ZFPM1: variants seen among roughly 807,000 people sequenced by gnomAD.
The protein encoded by ZFPM1 is zinc finger protein ZFPM1.
ZFPM1 carries 28 observed loss-of-function variants against 46.3 expected under a neutral mutation model. The observed-to-expected ratio is 0.60, with a 90% CI of 0.45 to 0.83. The LOEUF (loss-of-function observed/expected upper bound fraction) is 0.83, where lower values mean the gene tolerates loss of function less well. Ranked by LOEUF, ZFPM1 falls within the 40% of genes least tolerant of loss-of-function variation. The probability of loss-of-function intolerance (pLI) is 0.00; values close to 1 mark genes in which losing one functional copy is unlikely to be tolerated. For missense variants in ZFPM1, 1,878 were observed against 1,432.4 expected, an observed-to-expected ratio of 1.31 and a Z score of -5.02; for synonymous variants, 957 against 675.9, an observed-to-expected ratio of 1.42 and a Z score of -6.45.
At chr16:88,489,367 G>A (rs1324548579) in intron 3 of ZFPM1, 2 of 726,640 alleles carry the variant, frequency 2.8e-6, no homozygotes, top group African/African-American at 3.6e-5. Flanking sequence ...GCCTCACGTG[G>A]TGTACAAGGA....
At chr16:88,464,279 G>A (rs945836904) in intron 1 of ZFPM1, among the ~76,000 whole-genome samples, 1 of 152,216 alleles carries the variant, frequency 6.6e-6, no homozygotes, top group Non-Finnish European at 1.5e-5. Flanking sequence ...ACAGGGGCAG[G>A]GCCCCCAGGT....
chr16:88,532,511 C>G lies in ZFPM1; in HGVS notation c.947-103C>G, dbSNP rs181348233. The G allele has an allele frequency of 2.7e-4, 329 of 1,230,556 alleles. 2 individuals are homozygous for G. In the African/African-American group the frequency reaches 4.3e-3, roughly 16 times the overall value. The allele number at this position is 1,230,556 out of a possible 1,614,324, so 76.2% of individuals were successfully genotyped here. On this transcript the variant is annotated intron_variant, in intron 7 of 9. Transcript: ENST00000319555. ...GTTTAAAGACCCTTCAGCACAGGGT[C>G]CCCCGGCACAGATCACGGCCCTGGG... is the stretch of plus-strand genomic sequence containing the variant.
At position 88,479,227 on chromosome 16, in the gene ZFPM1, G is replaced by A. The variant is rs1038314300; in HGVS notation, c.41-6712G>A. 5.9e-5 allele frequency among the ~76,000 whole-genome samples: 9 copies of A among 152,248 alleles called. No individual in the cohort carries two copies. The East Asian group carries it at 1.2e-3, about 20-fold the overall frequency. ...ACGCAGGTGGTGCTGGGCTGGTGTC[G>A]CCAGCAGACCCCACTTTGATGGCGG... On this transcript the variant is annotated intron_variant, in intron 1 of 9. Transcript: ENST00000319555.
intron 4 of ZFPM1, among the ~76,000 whole-genome samples, chr16:88,517,789 A>G (rs1353254454): frequency 4.3e-4 from 38 of 88,808 alleles, no homozygotes; most frequent in African/African-American, 2.2e-3. Context: ...TGGATGAATG[A>G]ATGGGTGGGT....
In ZFPM1 at chr16:88,533,835, C is replaced by G. The variant is rs1220483660; in HGVS notation, c.1877C>G (p.Pro626Arg). ...CCCCCCGGCCCGGCCCGCGCGCCCC[C>G]CGGCCAGCCCGCCGAACCCGACGCG... ...KAPPGPARAP[P>R]GQPAEPDAPR... Residue 626 changes from proline (P) to arginine (R), a missense_variant, in exon 10 of 10, where the codon CCC becomes CGC. By Grantham distance (103) the Pro-to-Arg change is moderately radical. Transcript: ENST00000319555. The G allele has an allele frequency of 5.8e-5, 57 of 990,378 alleles. No homozygotes were observed. In the East Asian group the frequency reaches 2.8e-3, roughly 49 times the overall value. The allele number at this position is 990,378 out of a possible 1,614,324, so 61.3% of individuals were successfully genotyped here. A position where few individuals can be genotyped will look rare whatever the true frequency, so the allele number is the denominator to read the frequency against.
At chr16:88,533,014 C>T in intron 9 of ZFPM1, 79 bp downstream of exon 9, 5 of 1,576,036 alleles carry the variant, frequency 3.2e-6, no homozygotes, top group Non-Finnish European at 3.4e-6. Context: ...TCGCCCAAGA[C>T]AGGTGGGGGT....
At chr16:88,467,541 C>T (rs966761241) in intron 1 of ZFPM1, among the ~76,000 whole-genome samples, 2 of 152,262 alleles carry the variant, frequency 1.3e-5, no homozygotes, top group Non-Finnish European at 2.9e-5. Flanking sequence ...AGAGTCCTTT[C>T]AAGGAGCTGA....
rs749790821 is a variant in ZFPM1, at chr16:88,534,778, C to T, written c.2820C>T (p.Pro940=). The change falls in exon 10 of 10, where the codon CCC becomes CCT. Residue 940 remains proline, a synonymous_variant. Coordinates refer to ENST00000319555, the MANE Select transcript of ZFPM1 (RefSeq NM_153813.3). ...CGCCCCCGTCCCCGGCCGCCGCGCC[C>T]GAGGCCGTGCCGCCCCCGCCGGCGC... The part of the protein sequence containing the change: ...PGPPPSPAAA[P]EAVPPPPAPP... 14 of 1,257,274 alleles carry T rather than the reference C, an allele frequency of 1.1e-5. No individual in the cohort carries two copies. Among genetic ancestry groups the T allele is most frequent in the Admixed American group, 3.7e-5 (1 of 26,894 alleles). 77.9% of individuals were successfully genotyped at this position (1,257,274 alleles called of 1,614,324 possible).
In ZFPM1 at chr16:88,471,387, CCG is replaced by C. The variant is rs1207916458; in HGVS notation, c.41-14551_41-14550del. The stretch of plus-strand genomic sequence containing the variant: ...CTCACAGTTCAGGACCCCGAGATGA[CCG>C]TGCCCACAGTGGCTCCCACGCATAG... On this transcript the variant is annotated intron_variant, in intron 1 of 9. Coordinates refer to ENST00000319555, the MANE Select transcript of ZFPM1 (RefSeq NM_153813.3). This position sits in a 1 kb window ranked among gnomAD's most constrained non-coding sequence, Gnocchi z 4.1. Among the ~76,000 whole-genome samples, 620 of 152,222 alleles carry C rather than the reference CCG, an allele frequency of 4.1e-3. 6 individuals carry two copies. The highest frequency in any genetic ancestry group is 0.014 in the African/African-American group (581 of 41,526).
rs75419632 is a variant in ZFPM1 at position 88,471,986 on chromosome 16, C to A, written c.41-13953C>A. Among the ~76,000 whole-genome samples, 2 of 152,238 alleles carry A rather than the reference C, an allele frequency of 1.3e-5. No individual in the cohort carries two copies. Among genetic ancestry groups the A allele is most frequent in the African/African-American group, 2.4e-5 (1 of 41,458 alleles). ...GGAGTGGAGCCAGAAGCCTGGGCCTCCCCGGTAGGAGCCCGGCAGGGCCAA... is the reference window on the plus strand; with the variant it reads ...GGAGTGGAGCCAGAAGCCTGGGCCTACCCGGTAGGAGCCCGGCAGGGCCAA... On this transcript the variant is annotated intron_variant, in intron 1 of 9. Coordinates refer to ENST00000319555, the MANE Select transcript of ZFPM1 (RefSeq NM_153813.3). The surrounding 1 kb of genome is among the most constrained non-coding windows in gnomAD (Gnocchi z 4.1).
rs1191964630 is a variant in ZFPM1, at chr16:88,532,141, G to C, written c.852G>C (p.Glu284Asp). The C allele has an allele frequency of 6.2e-7, 1 of 1,612,542 alleles. No individual in the cohort carries two copies. The highest frequency in any genetic ancestry group is 1.1e-5 in the South Asian group (1 of 91,068). The stretch of plus-strand genomic sequence containing the variant: ...CCGCCACAGACGAGAAGCCCAAAGA[G>C]ACCTACCCCAACGAGCGCGTCTGCC... ...AAAATDEKPK[E>D]TYPNERVCPF... The change falls in exon 7 of 10, where the codon GAG becomes GAC. Residue 284 changes from glutamate (E) to aspartate (D), a missense_variant. By Grantham distance (45) the Glu-to-Asp change is conservative (BLOSUM62 2). Coordinates refer to ENST00000319555, the MANE Select transcript of ZFPM1 (RefSeq NM_153813.3).
rs969107580 is a variant in ZFPM1, at chr16:88,471,838, G to A, written c.41-14101G>A. Among the ~76,000 whole-genome samples, 15 of 152,270 alleles carry A rather than the reference G, an allele frequency of 9.9e-5. No individual in the cohort carries two copies. Among genetic ancestry groups the A allele is most frequent in the Non-Finnish European group, 2.2e-4 (15 of 68,038 alleles). On this transcript the variant is annotated intron_variant, in intron 1 of 9. Coordinates refer to ENST00000319555, the MANE Select transcript of ZFPM1 (RefSeq NM_153813.3). The surrounding 1 kb of genome is among the most constrained non-coding windows in gnomAD (Gnocchi z 4.1). Reference sequence around the variant, plus strand: ...TGTGAAATCGGGGCGAGGCCCCCGCGGGCTGGGAGGGCTCTGGGCCTCCGG... The same window carrying A: ...TGTGAAATCGGGGCGAGGCCCCCGCAGGCTGGGAGGGCTCTGGGCCTCCGG...
chr16:88,498,908 C>T (rs1237997786), intron 3 of ZFPM1, among the ~76,000 whole-genome samples: 1 of 152,228 alleles, frequency 6.6e-6, no homozygotes, highest in Non-Finnish European at 1.5e-5. Flanking sequence ...CCTTCCCTCC[C>T]CTCTCCCAAG....
intron 4 of ZFPM1, among the ~76,000 whole-genome samples, chr16:88,520,623 T>G (rs1597274757): frequency 1.2e-5 from 1 of 84,084 alleles, no homozygotes. Context: ...ATTAGGTGGG[T>G]GGGTGGATGG....
Position 88,532,171 on chromosome 16 carries a change from CCCCCAGTGCCGCAAGAGCTG to C in ZFPM1, c.889_908del (p.Cys297ArgfsTer78). The C allele has an allele frequency of 6.2e-7, 1 of 1,611,890 alleles. No homozygotes were observed. The highest frequency in any genetic ancestry group is 8.5e-7 in the Non-Finnish European group (1 of 1,179,254). On this transcript the variant is annotated frameshift_variant, in exon 7 of 10. Transcript: ENST00000319555. LOFTEE classifies it high-confidence loss of function. ...ACCCCAACGAGCGCGTCTGCCCCTT[CCCCCAGTGCCGCAAGAGCTG>C]CCCCAGCGCCAGCTCCCTGGAGATC... is the stretch of plus-strand genomic sequence containing the variant.
At chr16:88,501,004 G>T (rs1910222643) in intron 3 of ZFPM1, among the ~76,000 whole-genome samples, 1 of 151,766 alleles carries the variant, frequency 6.6e-6, no homozygotes, top group South Asian at 2.1e-4. Flanking sequence ...ACACTGGCCT[G>T]ACTTCTCCAC....
At chr16:88,505,842 A>C (rs576313660) in intron 3 of ZFPM1, among the ~76,000 whole-genome samples, 8 of 152,220 alleles carry the variant, frequency 5.3e-5, no homozygotes, top group South Asian at 4.1e-4. Flanking sequence ...TAGCAGAGAG[A>C]GAGCCTCGGC....
chr16:88,460,990 G>A lies in ZFPM1; in HGVS notation c.40+7312G>A, dbSNP rs1384313900. On this transcript the variant is annotated intron_variant, in intron 1 of 9. Coordinates refer to ENST00000319555, the MANE Select transcript of ZFPM1 (RefSeq NM_153813.3). Reference sequence around the variant, plus strand: ...CCTGGTGAGGACCGAGGGGAGGGGCGGGAGGCCTGGTGAGGACCGAGGGGT... The same window carrying A: ...CCTGGTGAGGACCGAGGGGAGGGGCAGGAGGCCTGGTGAGGACCGAGGGGT... 4.2e-3 allele frequency among the ~76,000 whole-genome samples: 432 copies of A among 102,628 alleles called. 49 individuals are homozygous for A. Among genetic ancestry groups the A allele is most frequent in the Middle Eastern group, 0.011 (2 of 184 alleles). 67.3% of individuals were successfully genotyped at this position (102,628 alleles called of 152,430 possible). A position where few individuals can be genotyped will look rare whatever the true frequency, so the allele number is the denominator to read the frequency against.
intron 1 of ZFPM1, among the ~76,000 whole-genome samples, chr16:88,479,571 A>G (rs1908835179): frequency 6.6e-6 from 1 of 151,986 alleles, no homozygotes; most frequent in African/African-American, 2.4e-5. Flanking sequence ...ACCGTGGCCC[A>G]AGCTGCCCGC....
Sources: gnomAD v4.1 joint callset for allele counts (sites outside exome capture counted in the v4.1 genomes callset) on GRCh38, gnomAD v4.1.1 for gene constraint, Gnocchi (gnomAD v3.1) non-coding constraint, MANE v1.5 for transcripts, NCBI Gene and HGNC (gene_info 2026-07-23, HGNC 2026-07-21) for gene names.